CNTN6: variants seen among roughly 807,000 people sequenced by gnomAD.
CNTN6 encodes contactin-6.
CNTN6 carries 137 observed loss-of-function variants against 122.8 expected under a neutral mutation model. That is an observed-to-expected ratio of 1.12 (90% CI 0.97 to 1.29). The LOEUF (loss-of-function observed/expected upper bound fraction) is 1.29, where lower values mean the gene tolerates loss of function less well. Ranked by LOEUF, CNTN6 falls within the 50% of genes most tolerant of loss-of-function variation. The pLI is 0.00. For synonymous variants in CNTN6, 570 were observed against 426.0 expected (o/e 1.34, Z -4.16); for missense variants, 1,634 against 1,223.4 (o/e 1.34, Z -5.01).
intron 2 of CNTN6, among the ~76,000 whole-genome samples, chr3:1,217,265 G>C (rs1322804672): frequency 6.6e-6 from 1 of 152,112 alleles, no homozygotes; most frequent in Admixed American, 6.5e-5. Context: ...CTCTAGTGCT[G>C]TGGTTGGTAT....
At chr3:1,300,351 GA>G (rs1696993936) in intron 7 of CNTN6, among the ~76,000 whole-genome samples, 1 of 151,902 alleles carries the variant, frequency 6.6e-6, no homozygotes, top group African/African-American at 2.4e-5. Context: ...AGGTGTCTCA[GA>G]GGGGGTATGA....
chr3:1,283,757 T>C (rs1023952661), intron 5 of CNTN6, among the ~76,000 whole-genome samples: 4 of 152,140 alleles, frequency 2.6e-5, no homozygotes, highest in Non-Finnish European at 4.4e-5. Context: ...CCCAGCACTT[T>C]GGGAGGCCAA....
chr3:1,314,951 G>T (rs1048032354), intron 7 of CNTN6, among the ~76,000 whole-genome samples: 11 of 151,930 alleles, frequency 7.2e-5, no homozygotes, highest in African/African-American at 2.7e-4. Flanking sequence ...TTGAATAAGA[G>T]AATTGCTTCA....
At chr3:1,315,600 A>G (rs1699986797) in intron 7 of CNTN6, among the ~76,000 whole-genome samples, 1 of 152,014 alleles carries the variant, frequency 6.6e-6, no homozygotes, top group Non-Finnish European at 1.5e-5. Context: ...CACTCAGTTA[A>G]TGATTATTAA....
chr3:1,289,300 C>T (rs541020439), intron 5 of CNTN6, among the ~76,000 whole-genome samples: 4 of 152,224 alleles, frequency 2.6e-5, no homozygotes, highest in African/African-American at 9.6e-5. Flanking sequence ...GAGGAGCCAG[C>T]CCATGGGGAG....
chr3:1,227,190 TG>T (rs2094295639), intron 3 of CNTN6, among the ~76,000 whole-genome samples: 1 of 152,224 alleles, frequency 6.6e-6, no homozygotes, highest in Non-Finnish European at 1.5e-5. Context: ...AGAGAATTTT[TG>T]CTTCTCAAAA....
At chr3:1,193,998 T>C (rs374890062) in intron 2 of CNTN6, among the ~76,000 whole-genome samples, 1 of 152,178 alleles carries the variant, frequency 6.6e-6, no homozygotes, top group Non-Finnish European at 1.5e-5. Context: ...GCATGTGTTA[T>C]CCTTATGCAG....
At chr3:1,239,336 TTAAA>T (rs2094455569) in intron 4 of CNTN6, among the ~76,000 whole-genome samples, 1 of 152,136 alleles carries the variant, frequency 6.6e-6, no homozygotes, top group African/African-American at 2.4e-5. Flanking sequence ...AGATACAAAA[TTAAA>T]GTACACAAAT....
At chr3:1,381,440 A>G (rs1188838282) in intron 17 of CNTN6, among the ~76,000 whole-genome samples, 5 of 152,032 alleles carry the variant, frequency 3.3e-5, no homozygotes, top group African/African-American at 1.2e-4. Context: ...ATCTCGGGTA[A>G]TGGGGGTTTA....
At chr3:1,307,082 G>A (rs1057176045) in intron 7 of CNTN6, among the ~76,000 whole-genome samples, 15 of 152,152 alleles carry the variant, frequency 9.9e-5, no homozygotes, top group African/African-American at 3.6e-4. Context: ...GGGAGATAAA[G>A]AAGATTACAT....
intron 2 of CNTN6, among the ~76,000 whole-genome samples, chr3:1,189,595 A>G (rs911635054): frequency 2.0e-5 from 3 of 152,202 alleles, no homozygotes; most frequent in Non-Finnish European, 2.9e-5. Context: ...TTGGACTGTT[A>G]GAGCCAGAAC....
intron 3 of CNTN6, among the ~76,000 whole-genome samples, chr3:1,224,967 T>A (rs2094260807): frequency 1.3e-5 from 2 of 152,072 alleles, no homozygotes. Flanking sequence ...AGGCTGGTCT[T>A]GAACTCCCGA....
chr3:1,368,413 T>A (rs1708531695), intron 12 of CNTN6, among the ~76,000 whole-genome samples: 1 of 152,240 alleles, frequency 6.6e-6, no homozygotes, highest in Admixed American at 6.5e-5. Context: ...TCTAGATATT[T>A]CAACATTTAT....
chr3:1,188,788 A>G (rs1334359672), intron 2 of CNTN6, among the ~76,000 whole-genome samples: 11 of 152,238 alleles, frequency 7.2e-5, no homozygotes, highest in Admixed American at 7.2e-4. Context: ...GCCTATGCTG[A>G]GTAATATGAT....
intron 2 of CNTN6, among the ~76,000 whole-genome samples, chr3:1,181,939 C>G (rs1228751333): frequency 6.6e-6 from 1 of 151,914 alleles, no homozygotes; most frequent in Non-Finnish European, 1.5e-5. Flanking sequence ...TGCCTATCAT[C>G]GCTCTGACAA....
At chr3:1,389,104 A>ATAAT (rs1287940301) in intron 20 of CNTN6, among the ~76,000 whole-genome samples, 1 of 145,458 alleles carries the variant, frequency 6.9e-6, no homozygotes, top group East Asian at 2.0e-4. Flanking sequence ...TCCAAGACAC[A>ATAAT]TAATTGTCAG....
At chr3:1,271,693 C>G (rs1386582838) in intron 4 of CNTN6, among the ~76,000 whole-genome samples, 1 of 152,262 alleles carries the variant, frequency 6.6e-6, no homozygotes, top group South Asian at 2.1e-4. Flanking sequence ...AGAGCCACTT[C>G]TAGAAACTAC....
At chr3:1,096,206 G>T (rs1178929265) in intron 1 of CNTN6, among the ~76,000 whole-genome samples, 1 of 152,014 alleles carries the variant, frequency 6.6e-6, no homozygotes, top group Non-Finnish European at 1.5e-5. Context: ...TTCCGTCATT[G>T]AATGTGACTT....
intron 20 of CNTN6, 70 bp from the exon 21 acceptor site, chr3:1,401,363 A>T: frequency 1.2e-5 from 15 of 1,208,874 alleles, no homozygotes; most frequent in Middle Eastern, 1.9e-4. Flanking sequence ...TTTTCTTTTC[A>T]TGTTGATGCA....
Sources: allele counts gnomAD v4.1 joint callset (sites outside exome capture counted in the v4.1 genomes callset), GRCh38; gene constraint gnomAD v4.1.1; transcripts MANE v1.5; gene names NCBI Gene and HGNC (gene_info 2026-07-23, HGNC 2026-07-21).